Variants in SH2D4B observed in about 807,000 individuals in gnomAD.
The protein encoded by SH2D4B is SH2 domain-containing protein 4B.
Under a neutral mutation model 61.5 loss-of-function variants are expected in SH2D4B, and 45 were observed. The ratio of observed to expected loss-of-function variants is 0.73; its 90% CI spans 0.58 to 0.94. The LOEUF (loss-of-function observed/expected upper bound fraction) is 0.94. Ranked by LOEUF, SH2D4B falls within the 40% of genes least tolerant of loss-of-function variation. The pLI is 0.00. For synonymous variants in SH2D4B, 224 were observed against 220.4 expected (o/e 1.02, Z -0.14); for missense variants, 572 against 574.2 (o/e 1.00, Z 0.04).
intron 1 of SH2D4B, among the ~76,000 whole-genome samples, chr10:80,565,363 T>A (rs1791820123): frequency 7.0e-6 from 1 of 142,682 alleles, no homozygotes; most frequent in Admixed American, 6.9e-5. Flanking sequence ...CTACCCTCTA[T>A]CTCCATGAAG....
chr10:80,610,955 G>A (rs1197682132), intron 6 of SH2D4B, among the ~76,000 whole-genome samples: 2 of 152,052 alleles, frequency 1.3e-5, no homozygotes, highest in African/African-American at 4.8e-5. Flanking sequence ...AGGATCACTT[G>A]AGGTCAGGAG....
intron 3 of SH2D4B, among the ~76,000 whole-genome samples, chr10:80,572,402 G>A (rs575450119): frequency 1.9e-3 from 294 of 152,258 alleles, no homozygotes; most frequent in Non-Finnish European, 2.7e-3. Flanking sequence ...GCTTTTTAAT[G>A]GAGGTCTAGA....
chr10:80,569,472 A>G (rs1437163477), intron 1 of SH2D4B, among the ~76,000 whole-genome samples: 2 of 149,924 alleles, frequency 1.3e-5, no homozygotes, highest in African/African-American at 4.9e-5. Context: ...AGAAGATGGC[A>G]ACTAGTGTCC....
intron 4 of SH2D4B, among the ~76,000 whole-genome samples, chr10:80,597,713 A>G (rs1192553708): frequency 1.3e-5 from 2 of 152,194 alleles, no homozygotes; most frequent in South Asian, 4.1e-4. Context: ...ACGGGGAGAG[A>G]GTGAATCCCT....
At chr10:80,618,118 A>T (rs1189715528) in intron 6 of SH2D4B, among the ~76,000 whole-genome samples, 1 of 152,248 alleles carries the variant, frequency 6.6e-6, no homozygotes, top group Non-Finnish European at 1.5e-5. Context: ...CCACTGAATG[A>T]TACTGGGCAG....
intron 4 of SH2D4B, among the ~76,000 whole-genome samples, chr10:80,602,559 A>T (rs1378067977): frequency 2.0e-5 from 3 of 152,180 alleles, no homozygotes; most frequent in Non-Finnish European, 2.9e-5. Context: ...TGTTAGAGTT[A>T]GCAGAAGATC....
chr10:80,544,270 G>C, intron 1 of SH2D4B, among the ~76,000 whole-genome samples: 1 of 152,120 alleles, frequency 6.6e-6, no homozygotes, highest in Non-Finnish European at 1.5e-5. Context: ...TCACCACAAA[G>C]GTCCGCAGCT....
intron 6 of SH2D4B, among the ~76,000 whole-genome samples, chr10:80,630,438 G>A (rs899854784): frequency 2.0e-5 from 3 of 152,186 alleles, no homozygotes; most frequent in Admixed American, 6.5e-5. Context: ...CTACTGTGGG[G>A]TTTTGGCAGG....
At chr10:80,608,560 C>T (rs1043619129) in intron 5 of SH2D4B, among the ~76,000 whole-genome samples, 9 of 152,104 alleles carry the variant, frequency 5.9e-5, no homozygotes, top group African/African-American at 2.2e-4. Context: ...CTCATGTGTC[C>T]AAGTCTATGT....
At chr10:80,572,945 A>AATCTATATATAT (rs1842067880) in intron 3 of SH2D4B, among the ~76,000 whole-genome samples, 1 of 20,682 alleles carries the variant, frequency 4.8e-5, no homozygotes, top group Admixed American at 1.1e-3. Flanking sequence ...GTATGTTGCA[A>AATCTATATATAT]ATATATATAT....
At chr10:80,544,114 T>C (rs1324543441) in intron 1 of SH2D4B, among the ~76,000 whole-genome samples, 7 of 152,144 alleles carry the variant, frequency 4.6e-5, no homozygotes, top group African/African-American at 1.7e-4. Flanking sequence ...TAAATCTTGC[T>C]ATTGCTCACT....
chr10:80,579,876 C>T (rs540639526), intron 3 of SH2D4B, among the ~76,000 whole-genome samples: 5 of 152,310 alleles, frequency 3.3e-5, no homozygotes, highest in African/African-American at 4.8e-5. Flanking sequence ...GCAAGGCTGA[C>T]GCCGACAAAA....
chr10:80,607,566 A>G (rs978987261), intron 5 of SH2D4B: 19 of 152,268 alleles, frequency 1.2e-4, no homozygotes, highest in African/African-American at 4.6e-4. Flanking sequence ...TACAGTGTTC[A>G]CTACTGTGTG....
In SH2D4B at chr10:80,606,615, T is replaced by G. The variant is rs542963740; in HGVS notation, c.861-2809T>G. On this transcript the variant is annotated intron_variant, in intron 5 of 7. Transcript: ENST00000646907. ...CGCCCACCTCGGCCTCCCAAAGTGC[T>G]GGGATTGCAGCCATGAGTCACTGTG... Among the ~76,000 whole-genome samples, 24 of 152,340 alleles carry G rather than the reference T, an allele frequency of 1.6e-4. No homozygotes were observed. In the South Asian group the frequency reaches 4.1e-3, roughly 26 times the overall value.
intron 6 of SH2D4B, among the ~76,000 whole-genome samples, chr10:80,623,778 A>G (rs76298292): frequency 0.1 from 15,761 of 152,120 alleles, 1,109 homozygotes; most frequent in African/African-American, 0.2. Context: ...GCATCATGCC[A>G]TTAGATGCAT....
At chr10:80,598,870 A>ATG (rs1842413659) in intron 4 of SH2D4B, among the ~76,000 whole-genome samples, 1 of 152,036 alleles carries the variant, frequency 6.6e-6, no homozygotes, top group Non-Finnish European at 1.5e-5. Context: ...GACTTGAGAA[A>ATG]TGATATTATT....
intron 6 of SH2D4B, among the ~76,000 whole-genome samples, chr10:80,629,778 T>C (rs1214878532): frequency 1.3e-5 from 2 of 152,222 alleles, no homozygotes; most frequent in African/African-American, 4.8e-5. Flanking sequence ...CCGTAAGACA[T>C]AGCTATTAAT....
chr10:80,588,898 G>C, intron 4 of SH2D4B, 121 bp downstream of exon 4: 1 of 1,257,572 alleles, frequency 8.0e-7, no homozygotes, highest in South Asian at 1.4e-5. Context: ...GCCTTTACTT[G>C]GACCCGGCCA....
chr10:80,634,178 G>A, intron 6 of SH2D4B, 107 bp from the exon 7 acceptor site: 1 of 1,399,742 alleles, frequency 7.1e-7, no homozygotes, highest in Non-Finnish European at 9.4e-7. Context: ...TGTGTGGATG[G>A]CATGTGCACT....
Sources: gnomAD v4.1 joint callset for allele counts (sites outside exome capture counted in the v4.1 genomes callset) on GRCh38, gnomAD v4.1.1 for gene constraint, MANE v1.5 for transcripts, NCBI Gene and HGNC (gene_info 2026-07-23, HGNC 2026-07-21) for gene names.